The following SORCS1 variants were observed in gnomAD, a reference collection of about 807,000 sequenced individuals.
SORCS1 encodes sortilin related VPS10 domain containing receptor 1, also known as VPS10 domain-containing receptor SorCS1.
Under a neutral mutation model 146.1 loss-of-function variants are expected in SORCS1, and 60 were observed. The observed-to-expected ratio is 0.41, with a 90% CI of 0.33 to 0.51. SORCS1 has a LOEUF of 0.51. Among genes scored for constraint, SORCS1 ranks in the 20% least tolerant of loss-of-function variants. SORCS1 has a pLI of 0.21. For synonymous variants in SORCS1, 637 were observed against 584.0 expected, an observed-to-expected ratio of 1.09 and a Z score of -1.31; for missense variants, 1,352 against 1,487.6, an observed-to-expected ratio of 0.91 and a Z score of 1.50.
At chr10:106,901,064 C>T (rs1003320878) in intron 2 of SORCS1, among the ~76,000 whole-genome samples, 1 of 152,110 alleles carries the variant, frequency 6.6e-6, no homozygotes, top group African/African-American at 2.4e-5. Flanking sequence ...ATTCAAAAGG[C>T]AGCCCTCTGG....
At chr10:107,025,350 C>A (rs1019822242) in intron 1 of SORCS1, among the ~76,000 whole-genome samples, 2 of 152,150 alleles carry the variant, frequency 1.3e-5, no homozygotes, top group Admixed American at 6.5e-5. Flanking sequence ...ATAAACAGTT[C>A]TTGAAGGCTC....
At chr10:107,167,379 A>C (rs1355615396), upstream of SORCS1, among the ~76,000 whole-genome samples, 1 of 152,244 alleles carries the variant, frequency 6.6e-6, no homozygotes, top group South Asian at 2.1e-4. Context: ...ATAATATAAT[A>C]AGAATGAGTC....
chr10:106,667,894 T>C, intron 16 of SORCS1, 92 bp from the exon 17 acceptor site: 1 of 702,402 alleles, frequency 1.4e-6, no homozygotes, highest in East Asian at 2.8e-5. Flanking sequence ...TCCACACTAA[T>C]CAATTAGTCA....
intron 2 of SORCS1, among the ~76,000 whole-genome samples, chr10:106,936,296 T>C (rs1257046369): frequency 3.3e-5 from 5 of 152,190 alleles, no homozygotes; most frequent in African/African-American, 1.2e-4. Context: ...AACAACAAGA[T>C]GGTTGCTAAC....
At chr10:106,896,327 G>A (rs144453617) in intron 2 of SORCS1, among the ~76,000 whole-genome samples, 8,167 of 151,652 alleles carry the variant, frequency 0.054, 590 homozygotes, top group African/African-American at 0.16. Context: ...TACTCAGGAG[G>A]CTGAGGCACG....
At chr10:106,777,275 T>C (rs1860513423) in intron 3 of SORCS1, among the ~76,000 whole-genome samples, 1 of 152,226 alleles carries the variant, frequency 6.6e-6, no homozygotes, top group Non-Finnish European at 1.5e-5. Context: ...CTCATCACCT[T>C]CTAGCCTACT....
chr10:107,047,561 T>C (rs938613980), intron 1 of SORCS1, among the ~76,000 whole-genome samples: 1 of 152,210 alleles, frequency 6.6e-6, no homozygotes, highest in Non-Finnish European at 1.5e-5. Context: ...ATATTTTTGT[T>C]AAAGTTGCTC....
chr10:107,034,158 C>T (rs2133948285), intron 1 of SORCS1, among the ~76,000 whole-genome samples: 1 of 152,236 alleles, frequency 6.6e-6, no homozygotes, highest in African/African-American at 2.4e-5. Flanking sequence ...TGGAAGCACC[C>T]TGGTTAAGTC....
In SORCS1 at chr10:106,727,461, C is replaced by T. The variant is rs540848438; in HGVS notation, c.1024+2589G>A. On this transcript the variant is annotated intron_variant, in intron 6 of 25. Coordinates refer to ENST00000263054, the MANE Select transcript of SORCS1 (RefSeq NM_052918.5). The stretch of plus-strand genomic sequence containing the variant: ...CTTGAACTCCTGGGCTCAAATGATC[C>T]CCCTGCCTCAGCCTTCTGACTAGCT... Among the ~76,000 whole-genome samples the T allele has an allele frequency of 4.6e-5, 7 of 152,268 alleles. No homozygotes were observed. The East Asian group carries it at 1.4e-3, about 29-fold the overall frequency.
chr10:106,629,522 G>C, intron 18 of SORCS1, 134 bp from the exon 19 acceptor site: 1 of 769,424 alleles, frequency 1.3e-6, no homozygotes, highest in South Asian at 1.9e-5. Flanking sequence ...ACAGCTAGGA[G>C]CATCTGCCTG....
chr10:107,129,503 T>C (rs987704699), intron 1 of SORCS1, among the ~76,000 whole-genome samples: 1 of 152,236 alleles, frequency 6.6e-6, no homozygotes, highest in Non-Finnish European at 1.5e-5. Context: ...AACAATAACA[T>C]AATTGCCTTT....
At chr10:106,618,931 G>A (rs1456336465) in intron 20 of SORCS1, among the ~76,000 whole-genome samples, 3 of 152,136 alleles carry the variant, frequency 2.0e-5, no homozygotes, top group East Asian at 1.9e-4. Flanking sequence ...CAATACAATC[G>A]ACTGCTAGGG....
At chr10:106,842,904 T>A (rs945868312) in intron 2 of SORCS1, among the ~76,000 whole-genome samples, 1 of 152,182 alleles carries the variant, frequency 6.6e-6, no homozygotes, top group East Asian at 1.9e-4. Context: ...TGAGCCACTG[T>A]GCCTGGCCCT....
intron 1 of SORCS1, among the ~76,000 whole-genome samples, chr10:106,987,701 T>C (rs1254846903): frequency 6.6e-6 from 1 of 152,168 alleles, no homozygotes; most frequent in East Asian, 1.9e-4. Flanking sequence ...CCTCAAAGAT[T>C]TTTTTCTTCT....
intron 1 of SORCS1, among the ~76,000 whole-genome samples, chr10:106,969,794 C>T (rs1955678043): frequency 6.6e-6 from 1 of 152,186 alleles, no homozygotes; most frequent in Non-Finnish European, 1.5e-5. Context: ...TCGACACCTC[C>T]TCAAACTCCC....
intron 2 of SORCS1, among the ~76,000 whole-genome samples, chr10:106,950,654 T>C (rs1392300905): frequency 6.6e-6 from 1 of 151,912 alleles, no homozygotes; most frequent in Non-Finnish European, 1.5e-5. Context: ...TATAATAATA[T>C]ACACATATAT....
At chr10:106,687,362 T>C (rs894100208) in intron 10 of SORCS1, among the ~76,000 whole-genome samples, 8 of 152,306 alleles carry the variant, frequency 5.3e-5, no homozygotes, top group African/African-American at 1.9e-4. Flanking sequence ...ACTGCCCAAA[T>C]GTAAGGCAAC....
intron 3 of SORCS1, among the ~76,000 whole-genome samples, chr10:106,799,377 A>G (rs1211283804): frequency 6.6e-6 from 1 of 152,208 alleles, no homozygotes; most frequent in Non-Finnish European, 1.5e-5. Context: ...AAAACTGACA[A>G]ATGGGATCTA....
chr10:106,579,236 AATCCCCGGG>A, intron 25 of SORCS1, 124 bp downstream of exon 25: 1 of 1,614,120 alleles, frequency 6.2e-7, no homozygotes. Context: ...CATAAACATT[AATCCCCGGG>A]ATCTTCCTAA....
Sources: allele counts gnomAD v4.1 joint callset (sites outside exome capture counted in the v4.1 genomes callset), GRCh38; gene constraint gnomAD v4.1.1; transcripts MANE v1.5; gene names NCBI Gene and HGNC (gene_info 2026-07-23, HGNC 2026-07-21).